NRXN1: variants seen among roughly 807,000 people sequenced by gnomAD.
The protein encoded by NRXN1 is neurexin 1, also known as neurexin-1.
NRXN1 carries 39 observed loss-of-function variants against 150.9 expected under a neutral mutation model. The ratio of observed to expected loss-of-function variants is 0.26; its 90% CI spans 0.20 to 0.34. The LOEUF (loss-of-function observed/expected upper bound fraction) is 0.34, where lower values mean the gene tolerates loss of function less well. Among genes scored for constraint, NRXN1 ranks in the 10% least tolerant of loss-of-function variants. NRXN1 has a pLI of 1.00. For missense variants in NRXN1, 1,815 were observed against 1,949.9 expected (o/e 0.93, Z 1.30); for synonymous variants, 924 against 757.0 (o/e 1.22, Z -3.62).
intron 5 of NRXN1, among the ~76,000 whole-genome samples, chr2:50,905,743 T>C (rs894887540): frequency 6.6e-6 from 1 of 152,178 alleles, no homozygotes; most frequent in Non-Finnish European, 1.5e-5. Flanking sequence ...ATGGTCATTA[T>C]ATTTTATATT....
intron 8 of NRXN1, among the ~76,000 whole-genome samples, chr2:50,572,018 A>C (rs1172885715): frequency 6.6e-6 from 1 of 152,182 alleles, no homozygotes; most frequent in African/African-American, 2.4e-5. Flanking sequence ...TAGATGTGGT[A>C]ATTGCAGAAG....
At chr2:50,394,317 CAA>C (rs1201082594) in intron 17 of NRXN1, among the ~76,000 whole-genome samples, 1 of 152,188 alleles carries the variant, frequency 6.6e-6, no homozygotes, top group East Asian at 1.9e-4. Context: ...ATATCAAAAC[CAA>C]AGTCTAAAAA....
chr2:50,596,877 T>C (rs1177271215), intron 8 of NRXN1, among the ~76,000 whole-genome samples: 1 of 147,944 alleles, frequency 6.8e-6, no homozygotes, highest in Non-Finnish European at 1.5e-5. Context: ...TTTTTTTTTT[T>C]TTTTTTTTTG....
At chr2:50,468,114 A>G (rs1214338648) in intron 16 of NRXN1, among the ~76,000 whole-genome samples, 9 of 151,698 alleles carry the variant, frequency 5.9e-5, no homozygotes, top group Admixed American at 4.6e-4. Context: ...TCAAATAGCT[A>G]TTTGCTCTCT....
intron 17 of NRXN1, among the ~76,000 whole-genome samples, chr2:50,276,330 A>G (rs1237008745): frequency 1.3e-5 from 2 of 152,204 alleles, no homozygotes; most frequent in Non-Finnish European, 1.5e-5. Flanking sequence ...AAAAGCGGAA[A>G]GTATGAGATG....
intron 15 of NRXN1, among the ~76,000 whole-genome samples, chr2:50,475,282 C>T (rs2089896057): frequency 6.6e-6 from 1 of 151,988 alleles, no homozygotes; most frequent in African/African-American, 2.4e-5. Context: ...CTGTAACCTC[C>T]TGAAGGAGAG....
Position 51,028,321 on chromosome 2 carries a change from A to C in NRXN1, c.-48T>G. ...GGGGGTGCCGGGGCCGACAGGGTCAAAATGGTCCTGGACACCGTGACGAAG... is the reference window on the plus strand; with the variant it reads ...GGGGGTGCCGGGGCCGACAGGGTCACAATGGTCCTGGACACCGTGACGAAG... On this transcript the variant is annotated 5_prime_UTR_variant, in exon 2 of 23. Coordinates refer to ENST00000401669, the MANE Select transcript of NRXN1 (RefSeq NM_001330078.2). 7.6e-7 allele frequency: 1 copy of C among 1,311,038 alleles called. No individual in the cohort carries two copies. The highest frequency in any genetic ancestry group is 1.0e-6 in the Non-Finnish European group (1 of 992,554). The allele number at this position is 1,311,038 out of a possible 1,614,324, so 81.2% of individuals were successfully genotyped here. A position where few individuals can be genotyped will look rare whatever the true frequency, so the allele number is the denominator to read the frequency against.
Position 50,917,541 on chromosome 2 carries a change from C to T in NRXN1, c.832+4328G>A, listed in dbSNP as rs1685388818. 3.3e-5 allele frequency: 5 copies of T among 151,592 alleles called. 1 individual carries two copies. The South Asian group carries it at 1.0e-3, about 31-fold the overall frequency. The allele number at this position is 151,592 out of a possible 1,614,324, so 9.4% of individuals were successfully genotyped here. On this transcript the variant is annotated intron_variant, in intron 5 of 22. Transcript: ENST00000401669. The stretch of plus-strand genomic sequence containing the variant: ...ATTGATAAACTGAAATCCGAACCCA[C>T]AAAATGACGGATTAGGAGAGGGGGA...
intron 5 of NRXN1, among the ~76,000 whole-genome samples, chr2:50,701,708 T>C (rs1232825908): frequency 1.3e-5 from 2 of 152,166 alleles, no homozygotes; most frequent in Non-Finnish European, 2.9e-5. Context: ...CCCATTCCTC[T>C]TCAATGCTTG....
chr2:50,451,874 G>C (rs1050758290), intron 17 of NRXN1, among the ~76,000 whole-genome samples: 1 of 152,104 alleles, frequency 6.6e-6, no homozygotes, highest in Non-Finnish European at 1.5e-5. Flanking sequence ...CTAGTTTATT[G>C]CTGATGTTTA....
At chr2:50,613,899 C>G (rs1161102343) in intron 8 of NRXN1, among the ~76,000 whole-genome samples, 1 of 152,184 alleles carries the variant, frequency 6.6e-6, no homozygotes, top group Non-Finnish European at 1.5e-5. Context: ...GATCATGCCA[C>G]TGCACTCCAG....
At chr2:50,217,996 T>C (rs1330847330) in intron 18 of NRXN1, among the ~76,000 whole-genome samples, 1 of 151,984 alleles carries the variant, frequency 6.6e-6, no homozygotes, top group East Asian at 1.9e-4. Flanking sequence ...TGGCCTCCTT[T>C]GTTTTCTTCT....
chr2:50,084,206 G>C (rs1247458422), intron 19 of NRXN1, among the ~76,000 whole-genome samples: 1 of 152,222 alleles, frequency 6.6e-6, no homozygotes, highest in Non-Finnish European at 1.5e-5. Flanking sequence ...GCGGCAGATG[G>C]AGCTGCCTGC....
At chr2:50,753,307 A>G (rs1019102226) in intron 5 of NRXN1, among the ~76,000 whole-genome samples, 2 of 151,968 alleles carry the variant, frequency 1.3e-5, no homozygotes, top group Non-Finnish European at 2.9e-5. Context: ...TTCTACATGC[A>G]CTGGAGAGGA....
At chr2:50,304,953 G>C (rs965369905) in intron 17 of NRXN1, among the ~76,000 whole-genome samples, 3 of 152,094 alleles carry the variant, frequency 2.0e-5, no homozygotes, top group African/African-American at 7.2e-5. Flanking sequence ...AGCCGGGTGT[G>C]GTGGCGGGTG....
At position 50,783,058 on chromosome 2, in the gene NRXN1, T is replaced by C. The variant is rs146193949; in HGVS notation, c.832+138811A>G. On this transcript the variant is annotated intron_variant, in intron 5 of 22. Coordinates refer to ENST00000401669, the MANE Select transcript of NRXN1 (RefSeq NM_001330078.2). Reference sequence around the variant, plus strand: ...CCCATTCTGTTATCTGTTACGTCTATTTCATATTTGAGACAGATGAATTTT... The same window carrying C: ...CCCATTCTGTTATCTGTTACGTCTACTTCATATTTGAGACAGATGAATTTT... Among the ~76,000 whole-genome samples the C allele has an allele frequency of 2.0e-3, 299 of 152,302 alleles. 1 individual carries two copies. Among genetic ancestry groups the C allele is most frequent in the African/African-American group, 7.1e-3 (294 of 41,590 alleles).
intron 21 of NRXN1, among the ~76,000 whole-genome samples, chr2:49,981,109 C>T (rs1384266684): frequency 6.6e-6 from 1 of 152,092 alleles, no homozygotes; most frequent in African/African-American, 2.4e-5. Context: ...TTCCTACTGC[C>T]AGTCTCTGAC....
chr2:50,993,301 A>C (rs1233894776), intron 2 of NRXN1, among the ~76,000 whole-genome samples: 3 of 151,978 alleles, frequency 2.0e-5, no homozygotes, highest in Non-Finnish European at 4.4e-5. Flanking sequence ...TACTGTATGC[A>C]CATTTATATA....
At chr2:50,779,337 C>A (rs1353318344) in intron 5 of NRXN1, among the ~76,000 whole-genome samples, 2 of 152,146 alleles carry the variant, frequency 1.3e-5, no homozygotes, top group East Asian at 1.9e-4. Context: ...CATGTCCCTG[C>A]AAAATACATG....
Sources: gnomAD v4.1 joint callset for allele counts (sites outside exome capture counted in the v4.1 genomes callset) on GRCh38, gnomAD v4.1.1 for gene constraint, MANE v1.5 for transcripts, NCBI Gene and HGNC (gene_info 2026-07-23, HGNC 2026-07-21) for gene names.